The following ZNF786 variants were observed in gnomAD, a reference collection of about 807,000 sequenced individuals.
ZNF786 encodes zinc finger protein 786.
ZNF786 carries 56 observed loss-of-function variants against 63.1 expected under a neutral mutation model. That is an observed-to-expected ratio of 0.89 (90% CI 0.72 to 1.11). The LOEUF is 1.11. Among genes scored for constraint, ZNF786 ranks in the 50% least tolerant of loss-of-function variants. ZNF786 has a pLI of 0.00. For missense variants in ZNF786, 1,213 were observed against 1,041.8 expected (o/e 1.16, Z -2.26); for synonymous variants, 485 against 406.9 (o/e 1.19, Z -2.31).
At chr7:149,090,484 CCAG>C in intron 1 of ZNF786, 136 bp downstream of exon 1, 1 of 1,021,436 alleles carries the variant, frequency 9.8e-7, no homozygotes, top group South Asian at 3.4e-5. Context: ...ATCCACATCC[CCAG>C]CAGAAGCAGC....
Position 149,074,463 on chromosome 7 carries a change from G to A in ZNF786, c.221C>T (p.Ser74Leu). The A allele has an allele frequency of 1.2e-6, 2 of 1,613,860 alleles. No individual in the cohort carries two copies. The highest frequency in any genetic ancestry group is 2.2e-5 in the South Asian group (2 of 91,072). The change falls in exon 3 of 4, where the codon TCA becomes TTA. Residue 74 changes from serine (S) to leucine (L), a missense_variant. Transcript: ENST00000491431. ...GGEPFRKWRE[S>L]QKSGNIICSS... is the part of the protein sequence containing the mutation. ...GCAAATTATGTTTCCTGATTTCTGT[G>A]ATTCTCTCCATTTCCTGAAGGGCTC...
At chr7:149,074,357 G>C in intron 3 of ZNF786, 29 bp downstream of exon 3, 1 of 1,610,724 alleles carries the variant, frequency 6.2e-7, no homozygotes, top group Non-Finnish European at 8.5e-7. Context: ...GATGTCTCAA[G>C]GTCGGGGCCC....
At position 149,071,803 on chromosome 7, in the gene ZNF786, C is replaced by T; in HGVS notation, c.969G>A (p.Pro323=). 6.3e-7 allele frequency: 1 copy of T among 1,583,852 alleles called. No homozygotes were observed. The highest frequency in any genetic ancestry group is 1.1e-5 in the South Asian group (1 of 89,568). The change falls in exon 4 of 4, where the codon CCG becomes CCA. Residue 323 remains proline, a synonymous_variant. Coordinates refer to ENST00000491431, the MANE Select transcript of ZNF786 (RefSeq NM_152411.4). ...ARRCQHSREG[P]ASWREGRGAS... Reference sequence around the variant, plus strand: ...CCCCGCGGCCTTCTCTCCAAGAGGCCGGCCCCTCCCGGCTGTGCTGGCACC... The same window carrying T: ...CCCCGCGGCCTTCTCTCCAAGAGGCTGGCCCCTCCCGGCTGTGCTGGCACC...
Position 149,071,085 on chromosome 7 carries a change from T to TCTCCTTG in ZNF786, c.1680_1686dup (p.Arg563GlnfsTer92). On this transcript the variant is annotated frameshift_variant, in exon 4 of 4. Coordinates refer to ENST00000491431, the MANE Select transcript of ZNF786 (RefSeq NM_152411.4). LOFTEE classifies it high-confidence loss of function. Reference sequence around the variant, plus strand: ...CCACACTCCCCGCACGAGAACGGCCTCTCCTTGCTGTGCGTGTGCTGGTGG... The same window carrying TCTCCTTG: ...CCACACTCCCCGCACGAGAACGGCCTCTCCTTGCTCCTTGCTGTGCGTGTGCTGGTGG... 6.2e-7 allele frequency: 1 copy of TCTCCTTG among 1,611,982 alleles called. No individual in the cohort carries two copies. The highest frequency in any genetic ancestry group is 8.5e-7 in the Non-Finnish European group (1 of 1,179,518).
Position 149,072,164 on chromosome 7 carries a change from A to G in ZNF786, c.608T>C (p.Val203Ala). The G allele has an allele frequency of 6.2e-7, 1 of 1,613,182 alleles. No homozygotes were observed. The highest frequency in any genetic ancestry group is 1.3e-5 in the African/African-American group (1 of 75,036). ...CTTTGAGTGGCCTCTCTGGTGCATT[A>G]CTAAATGGTTGTTCTCCCAACAGCT... ...GESCWENNHL[V>A]MHQRGHSKDR... The change falls in exon 4 of 4, where the codon GTA (valine) becomes GCA (alanine). Residue 203 changes from valine to alanine, a missense_variant. By Grantham distance (64) the Val-to-Ala change is moderately conservative. Coordinates refer to ENST00000491431, the MANE Select transcript of ZNF786 (RefSeq NM_152411.4).
Position 149,074,485 on chromosome 7 carries a change from G to T in ZNF786, c.199C>A (p.Pro67Thr), listed in dbSNP as rs1162311632. Residue 67 changes from proline (P) to threonine (T), a missense_variant, in exon 3 of 4, where the codon CCC becomes ACC. By Grantham distance (38) the Pro-to-Thr change is conservative (BLOSUM62 -1). Coordinates refer to ENST00000491431, the MANE Select transcript of ZNF786 (RefSeq NM_152411.4). ...LISWIEHGGE[P>T]FRKWRESQKS... ...TGTGATTCTCTCCATTTCCTGAAGG[G>T]CTCTCCCCCGTGTTCAATCCAGGAT... 1.9e-6 allele frequency: 3 copies of T among 1,613,648 alleles called. No individual in the cohort carries two copies. The highest frequency in any genetic ancestry group is 2.7e-5 in the African/African-American group (2 of 74,834).
rs1362234100 is a variant in ZNF786, at chr7:149,071,052, A to G, written c.1720T>C (p.Phe574Leu). The G allele has an allele frequency of 2.5e-6, 4 of 1,612,118 alleles. No homozygotes were observed. The African/African-American group carries it at 4.0e-5, about 16-fold the overall frequency. The part of the protein sequence containing the change: ...PFSCGECGKG[F>L]TRQSKLTEHL... ...TCCGTGAGCTTGGATTGTCTGGTGAAGCCCTTGCCACACTCCCCGCACGAG... is the reference window on the plus strand; with the variant it reads ...TCCGTGAGCTTGGATTGTCTGGTGAGGCCCTTGCCACACTCCCCGCACGAG... Residue 574 changes from phenylalanine (F) to leucine (L), a missense_variant, in exon 4 of 4, where the codon TTC becomes CTC. Physicochemically the swap from Phe to Leu is conservative, Grantham distance 22 (BLOSUM62 0). Coordinates refer to ENST00000491431, the MANE Select transcript of ZNF786 (RefSeq NM_152411.4).
chr7:149,080,551 CCA>C (rs1563139235), intron 2 of ZNF786, 38 bp downstream of exon 2: 1 of 1,518,694 alleles, frequency 6.6e-7, no homozygotes, highest in South Asian at 1.4e-5. Context: ...CTTACAGGAT[CCA>C]GTTCCATGAC....
chr7:149,070,275 G>T lies in ZNF786; in HGVS notation c.*148C>A. On this transcript the variant is annotated 3_prime_UTR_variant, in exon 4 of 4. Coordinates refer to ENST00000491431, the MANE Select transcript of ZNF786 (RefSeq NM_152411.4). ...GCTTCTGAAGAGAAAATCCTTTGTG[G>T]TTCTTCATATTCCTAACTTGCATGA... The T allele has an allele frequency of 1.0e-6, 1 of 992,288 alleles. No homozygotes were observed. Among genetic ancestry groups the T allele is most frequent in the Non-Finnish European group, 1.5e-6 (1 of 674,490 alleles). 61.5% of individuals were successfully genotyped at this position (992,288 alleles called of 1,614,324 possible).
intron 2 of ZNF786, among the ~76,000 whole-genome samples, chr7:149,077,584 C>T (rs1210919798): frequency 2.0e-5 from 3 of 151,974 alleles, no homozygotes; most frequent in South Asian, 2.1e-4. Context: ...GCTGAGATTG[C>T]GCCACAGCAC....
intron 2 of ZNF786, among the ~76,000 whole-genome samples, chr7:149,077,000 C>T (rs1300399914): frequency 6.6e-6 from 1 of 152,144 alleles, no homozygotes. Flanking sequence ...AATTGCTCTC[C>T]AAAGTGGCTA....
At chr7:149,086,132 T>A (rs112674252) in intron 1 of ZNF786, among the ~76,000 whole-genome samples, 3,555 of 152,350 alleles carry the variant, frequency 0.023, 54 homozygotes, top group Admixed American at 0.035. Context: ...ATATTCATTA[T>A]GAAATTTAGA....
Position 149,071,665 on chromosome 7 carries a change from G to A in ZNF786, c.1107C>T (p.Cys369=). 1 of 1,568,476 alleles carries A rather than the reference G, an allele frequency of 6.4e-7. No individual in the cohort carries two copies. Among genetic ancestry groups the A allele is most frequent in the South Asian group, 1.1e-5 (1 of 87,202 alleles). The change falls in exon 4 of 4, where the codon TGC becomes TGT. Residue 369 remains cysteine, a synonymous_variant. Coordinates refer to ENST00000491431, the MANE Select transcript of ZNF786 (RefSeq NM_152411.4). ...EALQHGAEGP[C]SCSECGERSP... ...AGCGCTCGCCACACTCCGAGCAGGA[G>A]CAGGGCCCCTCTGCGCCATGCTGCA...
chr7:149,086,024 C>T (rs1465732917), intron 1 of ZNF786, among the ~76,000 whole-genome samples: 1 of 152,192 alleles, frequency 6.6e-6, no homozygotes, highest in Admixed American at 6.6e-5. Flanking sequence ...ATACAGTCTG[C>T]AAACAGGGAT....
At chr7:149,079,204 C>T (rs1410403487) in intron 2 of ZNF786, among the ~76,000 whole-genome samples, 4 of 152,048 alleles carry the variant, frequency 2.6e-5, no homozygotes, top group African/African-American at 4.8e-5. Flanking sequence ...GTCAGGAAAT[C>T]GAGACCATCC....
chr7:149,070,400 C>A lies in ZNF786; in HGVS notation c.*23G>T, dbSNP rs1825377995. On this transcript the variant is annotated 3_prime_UTR_variant, in exon 4 of 4. Transcript: ENST00000491431. Reference sequence around the variant, plus strand: ...CCTGGGCAATACCAATCCTGCTCAACGCTTTGGATGTCCCACTCTGCCTCA... The same window carrying A: ...CCTGGGCAATACCAATCCTGCTCAAAGCTTTGGATGTCCCACTCTGCCTCA... The A allele has an allele frequency of 1.2e-6, 2 of 1,605,870 alleles. No homozygotes were observed. Among genetic ancestry groups the A allele is most frequent in the Non-Finnish European group, 1.7e-6 (2 of 1,174,750 alleles).
Position 149,071,993 on chromosome 7 carries a change from G to A in ZNF786, c.779C>T (p.Ala260Val), listed in dbSNP as rs768328668. Residue 260 changes from alanine to valine, a missense_variant, in exon 4 of 4, where the codon GCG (alanine) becomes GTG (valine). Coordinates refer to ENST00000491431, the MANE Select transcript of ZNF786 (RefSeq NM_152411.4). Reference sequence around the variant, plus strand: ...GAAGGGGCCCCTCCCCGTGTGGGCCGCCAGATGGCGCAGCAGACACAGCTT... The same window carrying A: ...GAAGGGGCCCCTCCCCGTGTGGGCCACCAGATGGCGCAGCAGACACAGCTT... Reference protein sequence around the residue: ...RRKLCLLRHLAAHTGRGPFRN... With the variant: ...RRKLCLLRHLVAHTGRGPFRN... 6.2e-7 allele frequency: 1 copy of A among 1,612,644 alleles called. No individual in the cohort carries two copies.
chr7:149,077,497 G>C (rs572227394), intron 2 of ZNF786, among the ~76,000 whole-genome samples: 1 of 151,998 alleles, frequency 6.6e-6, no homozygotes, highest in African/African-American at 2.4e-5. Flanking sequence ...GCGTGGTGGC[G>C]GGCGCCTGTA....
chr7:149,070,059 C>T lies in ZNF786; in HGVS notation c.*364G>A. ...GTGCACCTTTTCTTAAAAATGTTAA[C>T]AATCACATATAACCTCGTAGAAATT... is the stretch of plus-strand genomic sequence containing the variant. On this transcript the variant is annotated 3_prime_UTR_variant, in exon 4 of 4. Coordinates refer to ENST00000491431, the MANE Select transcript of ZNF786 (RefSeq NM_152411.4). The T allele has an allele frequency of 5.8e-6, 1 of 172,464 alleles. No homozygotes were observed. Among genetic ancestry groups the T allele is most frequent in the Non-Finnish European group, 1.3e-5 (1 of 79,634 alleles). The allele number at this position is 172,464 out of a possible 1,614,324, so 10.7% of individuals were successfully genotyped here. A position where few individuals can be genotyped will look rare whatever the true frequency, so the allele number is the denominator to read the frequency against.
Sources: gnomAD v4.1 joint callset for allele counts (sites outside exome capture counted in the v4.1 genomes callset) on GRCh38, gnomAD v4.1.1 for gene constraint, MANE v1.5 for transcripts, NCBI Gene and HGNC (gene_info 2026-07-23, HGNC 2026-07-21) for gene names.